Variants in ASTN2 observed in about 807,000 individuals in gnomAD.
The protein encoded by ASTN2 is astrotactin-2.
Under a neutral mutation model 139.8 loss-of-function variants are expected in ASTN2, and 54 were observed. The observed-to-expected ratio is 0.39, with a 90% CI of 0.31 to 0.48. The LOEUF is 0.48. ASTN2 is among the 20% of genes least tolerant of loss of function. The pLI, the probability that ASTN2 is intolerant of heterozygous loss-of-function variation, is 0.95. For synonymous variants in ASTN2, 756 were observed against 719.5 expected (o/e 1.05, Z -0.81); for missense variants, 1,565 against 1,725.1 (o/e 0.91, Z 1.64).
At chr9:117,120,014 G>GTATATA (rs1470198393) in intron 4 of ASTN2, among the ~76,000 whole-genome samples, 25 of 35,326 alleles carry the variant, frequency 7.1e-4, no homozygotes, top group African/African-American at 1.5e-3. Context: ...GTGTGTGTGT[G>GTATATA]TGTGTATATA....
intron 4 of ASTN2, among the ~76,000 whole-genome samples, chr9:117,102,287 A>G (rs1828997587): frequency 6.6e-6 from 1 of 152,230 alleles, no homozygotes; most frequent in Non-Finnish European, 1.5e-5. Context: ...TAAAGGCAAC[A>G]TAGTATATTC....
chr9:116,996,687 C>T lies in ASTN2; in HGVS notation c.1591+11405G>A, dbSNP rs183114445. 9.1e-4 allele frequency among the ~76,000 whole-genome samples: 138 copies of T among 152,174 alleles called. 1 individual carries two copies. Among genetic ancestry groups the T allele is most frequent in the African/African-American group, 3.2e-3 (134 of 41,544 alleles). On this transcript the variant is annotated intron_variant, in intron 7 of 22. Coordinates refer to ENST00000313400, the MANE Select transcript of ASTN2 (RefSeq NM_001365068.1). ...TACATTGGCTAGAAGAAATGACTCC[C>T]CATTAACAAATATGGAACTCTTTAC...
Position 117,184,995 on chromosome 9 carries a change from G to A in ASTN2, c.1015+29363C>T, listed in dbSNP as rs1267986820. Among the ~76,000 whole-genome samples, 7 of 152,210 alleles carry A rather than the reference G, an allele frequency of 4.6e-5. No homozygotes were observed. In the South Asian group the frequency reaches 1.2e-3, roughly 27 times the overall value. ...AGCCAGCTTCACAGGTAAGGAATCC[G>A]AGACTAAAAGAGGTTAGTTACTCTG... is the stretch of plus-strand genomic sequence containing the variant. On this transcript the variant is annotated intron_variant, in intron 3 of 22. Transcript: ENST00000313400.
intron 2 of ASTN2, among the ~76,000 whole-genome samples, chr9:117,265,482 A>G (rs1463243130): frequency 6.6e-6 from 1 of 152,096 alleles, no homozygotes; most frequent in East Asian, 1.9e-4. Flanking sequence ...CTCTAGCCAA[A>G]GAGTCACATG....
At chr9:116,823,785 G>A (rs1390620786) in intron 11 of ASTN2, among the ~76,000 whole-genome samples, 1 of 152,218 alleles carries the variant, frequency 6.6e-6, no homozygotes, top group African/African-American at 2.4e-5. Flanking sequence ...ATCCACGCCT[G>A]TGGGAAAGGC....
At chr9:116,967,837 C>T (rs1836060802) in intron 10 of ASTN2, among the ~76,000 whole-genome samples, 1 of 152,158 alleles carries the variant, frequency 6.6e-6, no homozygotes, top group South Asian at 2.1e-4. Context: ...CTGCCCCAAC[C>T]CTCCCTTCTG....
chr9:116,792,494 A>T (rs887365009), intron 13 of ASTN2, among the ~76,000 whole-genome samples: 2 of 152,188 alleles, frequency 1.3e-5, no homozygotes. Context: ...CCGTGGCTTC[A>T]GCACCTGGGA....
chr9:117,361,362 G>A (rs564586864), intron 1 of ASTN2, among the ~76,000 whole-genome samples: 27 of 150,310 alleles, frequency 1.8e-4, no homozygotes, highest in Non-Finnish European at 3.6e-4. Flanking sequence ...GTGTAGGGCC[G>A]ACTTGGAATC....
At chr9:116,744,486 C>G (rs1214940074) in intron 13 of ASTN2, among the ~76,000 whole-genome samples, 1 of 151,966 alleles carries the variant, frequency 6.6e-6, no homozygotes, top group Non-Finnish European at 1.5e-5. Context: ...GGAGGGAGAC[C>G]AGTTAAGAGG....
intron 13 of ASTN2, among the ~76,000 whole-genome samples, chr9:116,804,613 T>C (rs1344656138): frequency 6.6e-6 from 1 of 152,098 alleles, no homozygotes; most frequent in African/African-American, 2.4e-5. Context: ...AGTAAAGAAC[T>C]TGACACAGAA....
chr9:116,636,571 A>G (rs1238755623), intron 17 of ASTN2, among the ~76,000 whole-genome samples: 3 of 152,156 alleles, frequency 2.0e-5, no homozygotes, highest in Non-Finnish European at 4.4e-5. Context: ...GCTCCCAGCT[A>G]CTTGGGAGGC....
At chr9:116,675,574 G>C (rs919299154) in intron 16 of ASTN2, among the ~76,000 whole-genome samples, 1 of 152,204 alleles carries the variant, frequency 6.6e-6, no homozygotes, top group Non-Finnish European at 1.5e-5. Context: ...ATGGAGAATA[G>C]GAGGATAGTT....
chr9:116,531,112 C>T (rs1450518621), intron 19 of ASTN2, among the ~76,000 whole-genome samples: 1 of 152,118 alleles, frequency 6.6e-6, no homozygotes, highest in Non-Finnish European at 1.5e-5. Flanking sequence ...ATCCATTAGT[C>T]TGAGTTAGGG....
intron 1 of ASTN2, among the ~76,000 whole-genome samples, chr9:117,341,453 AAAG>A (rs1449612522): frequency 1.3e-5 from 2 of 152,152 alleles, no homozygotes; most frequent in Admixed American, 6.5e-5. Flanking sequence ...AAGAAAACAA[AAAG>A]AAGGAGAAAG....
At chr9:116,749,160 C>T (rs1829332404) in intron 13 of ASTN2, among the ~76,000 whole-genome samples, 1 of 151,998 alleles carries the variant, frequency 6.6e-6, no homozygotes, top group African/African-American at 2.4e-5. Flanking sequence ...TGAAAAGAGC[C>T]CATAAAATGA....
At chr9:117,003,002 G>T (rs1227047715) in intron 7 of ASTN2, among the ~76,000 whole-genome samples, 1 of 151,866 alleles carries the variant, frequency 6.6e-6, no homozygotes, top group African/African-American at 2.4e-5. Flanking sequence ...AGAAGCCCTT[G>T]CTCTCCCATT....
intron 20 of ASTN2, among the ~76,000 whole-genome samples, chr9:116,454,599 T>C (rs1340222982): frequency 2.0e-5 from 3 of 152,224 alleles, no homozygotes; most frequent in African/African-American, 7.2e-5. Flanking sequence ...CATATGTTTA[T>C]TGTGGCACTA....
intron 13 of ASTN2, among the ~76,000 whole-genome samples, chr9:116,792,022 G>A (rs1254199991): frequency 6.6e-6 from 1 of 152,008 alleles, no homozygotes; most frequent in Non-Finnish European, 1.5e-5. Flanking sequence ...TTCATAAAAT[G>A]ACCAGGTTTG....
At position 116,592,498 on chromosome 9, in the gene ASTN2, A is replaced by C. The variant is rs568035497; in HGVS notation, c.3355+25826T>G. The stretch of plus-strand genomic sequence containing the variant: ...TCACCTTCCACCAGCCCTCGCCTCC[A>C]ACAGTGGGGATTACAATTTTACATG... On this transcript the variant is annotated intron_variant, in intron 19 of 22. Transcript: ENST00000313400. Among the ~76,000 whole-genome samples the C allele has an allele frequency of 1.6e-4, 25 of 152,306 alleles. 1 individual carries two copies. In the South Asian group the frequency reaches 4.4e-3, roughly 27 times the overall value.
Sources: gnomAD v4.1 joint callset for allele counts (sites outside exome capture counted in the v4.1 genomes callset) on GRCh38, gnomAD v4.1.1 for gene constraint, MANE v1.5 for transcripts, NCBI Gene and HGNC (gene_info 2026-07-23, HGNC 2026-07-21) for gene names.